The following ALMS1 variants were observed in gnomAD, a reference collection of about 807,000 sequenced individuals.
ALMS1 encodes the protein ALMS1 centrosome and basal body associated protein.
A neutral mutation model predicts 352.2 loss-of-function variants in ALMS1; 271 were observed. That is an observed-to-expected ratio of 0.77 (90% CI 0.70 to 0.85). The LOEUF (loss-of-function observed/expected upper bound fraction) is 0.85. Ranked by LOEUF, ALMS1 falls within the 40% of genes least tolerant of loss-of-function variation. The pLI, the probability that ALMS1 is intolerant of heterozygous loss-of-function variation, is 0.00. For missense variants in ALMS1, 5,445 were observed against 4,870.7 expected (o/e 1.12, Z -3.51); for synonymous variants, 1,865 against 1,761.2 (o/e 1.06, Z -1.48).
intron 9 of ALMS1, among the ~76,000 whole-genome samples, chr2:73,474,337 A>G (rs188900004): frequency 6.6e-6 from 1 of 151,080 alleles, no homozygotes; most frequent in Non-Finnish European, 1.5e-5. Flanking sequence ...TTATTTGTAG[A>G]AAGTAGATTT....
chr2:73,572,271 G>C lies in ALMS1; in HGVS notation c.10394G>C (p.Cys3465Ser). ...TTTTTCTCCTTTTCAGAGTCCGAAT[G>C]TCATTCAGAATTTGAAAATACTACC... ...SLQINIEESE[C>S]HSEFENTTRS... Residue 3465 changes from cysteine to serine, a missense_variant, in exon 16 of 23, where the codon TGT becomes TCT. Coordinates refer to ENST00000613296, the MANE Select transcript of ALMS1 (RefSeq NM_001378454.1). 1 of 1,607,352 alleles carries C rather than the reference G, an allele frequency of 6.2e-7. No homozygotes were observed. Among genetic ancestry groups the C allele is most frequent in the East Asian group, 2.2e-5 (1 of 44,842 alleles).
At chr2:73,530,962 C>G (rs1034002789) in intron 11 of ALMS1, among the ~76,000 whole-genome samples, 1 of 152,110 alleles carries the variant, frequency 6.6e-6, no homozygotes, top group Non-Finnish European at 1.5e-5. Context: ...GGGCCCTAGG[C>G]GGGGCCCACA....
intron 16 of ALMS1, among the ~76,000 whole-genome samples, chr2:73,586,790 T>C (rs1307512554): frequency 6.6e-6 from 1 of 152,202 alleles, no homozygotes; most frequent in Non-Finnish European, 1.5e-5. Context: ...CAAAGAATGA[T>C]GATGGTATTT....
intron 9 of ALMS1, among the ~76,000 whole-genome samples, chr2:73,479,323 A>G (rs1672647468): frequency 6.6e-6 from 1 of 152,168 alleles, no homozygotes; most frequent in Admixed American, 6.5e-5. Flanking sequence ...GAACATTTAC[A>G]TCACTACAAA....
chr2:73,468,862 A>T (rs1165285198), intron 9 of ALMS1, among the ~76,000 whole-genome samples: 1 of 151,950 alleles, frequency 6.6e-6, no homozygotes, highest in Non-Finnish European at 1.5e-5. Context: ...TCAAGGTACA[A>T]ATTTTATGTT....
intron 9 of ALMS1, among the ~76,000 whole-genome samples, chr2:73,487,421 G>A (rs764456369): frequency 6.6e-6 from 1 of 152,160 alleles, no homozygotes. Context: ...TCTGCTGTGG[G>A]CACCCACATC....
chr2:73,457,018 T>C (rs1672080230), intron 9 of ALMS1: 1 of 152,214 alleles, frequency 6.6e-6, no homozygotes, highest in African/African-American at 2.4e-5. Context: ...ACTTCTGATC[T>C]GACCAGCATG....
At chr2:73,415,208 G>T (rs377180175) in intron 2 of ALMS1, among the ~76,000 whole-genome samples, 2 of 151,922 alleles carry the variant, frequency 1.3e-5, no homozygotes, top group Admixed American at 6.6e-5. Flanking sequence ...GATTTAAAAG[G>T]TATAACACAA....
In ALMS1 at chr2:73,453,242, G is replaced by A; in HGVS notation, c.6715G>A (p.Ala2239Thr). The A allele has an allele frequency of 6.2e-7, 1 of 1,613,910 alleles. No individual in the cohort carries two copies. Among genetic ancestry groups the A allele is most frequent in the East Asian group, 2.2e-5 (1 of 44,864 alleles). Residue 2239 changes from alanine (A) to threonine (T), a missense_variant, in exon 8 of 23, where the codon GCA becomes ACA. Physicochemically the swap from Ala to Thr is moderately conservative, Grantham distance 58. Transcript: ENST00000613296. ...DRVVINKPES[A>T]GFRDVGSEEI... ...AGTTGTAATAAATAAACCAGAATCT[G>A]CAGGTTTTAGAGATGTTGGCTCTGA...
intron 4 of ALMS1, 99 bp from the exon 5 acceptor site, chr2:73,424,331 A>C: frequency 1.3e-6 from 1 of 790,054 alleles, no homozygotes; most frequent in South Asian, 2.8e-5. Context: ...CTTTTCAAAT[A>C]AACTTGATTT....
chr2:73,403,342 T>G (rs1024375319), intron 1 of ALMS1, among the ~76,000 whole-genome samples: 8 of 152,216 alleles, frequency 5.3e-5, no homozygotes, highest in Non-Finnish European at 2.9e-5. Context: ...GCGAATCATA[T>G]ATGCTTGGGT....
In ALMS1 at chr2:73,424,458, G is replaced by C. The variant is rs747443620; in HGVS notation, c.793G>C (p.Glu265Gln). 6.3e-7 allele frequency: 1 copy of C among 1,598,340 alleles called. No homozygotes were observed. Among genetic ancestry groups the C allele is most frequent in the East Asian group, 2.2e-5 (1 of 44,738 alleles). ...AATTCCTGATAAGTCTGAAGATACT[G>C]AATGGTCTTCTCGACCATCGGAAGT... ...RGIPDKSEDTEWSSRPSEVSE... is the reference protein window; with the variant it reads ...RGIPDKSEDTQWSSRPSEVSE... Residue 265 changes from glutamate to glutamine, a missense_variant, in exon 5 of 23, where the codon GAA becomes CAA. Transcript: ENST00000613296.
chr2:73,592,463 A>G (rs911244443), intron 16 of ALMS1, among the ~76,000 whole-genome samples: 1 of 152,244 alleles, frequency 6.6e-6, no homozygotes, highest in African/African-American at 2.4e-5. Flanking sequence ...ACAAGAAAAG[A>G]CAGTCTTTTG....
In ALMS1 at chr2:73,602,311, A is replaced by G. The variant is rs1398267811; in HGVS notation, c.12241A>G (p.Asn4081Asp). ...MLQTERDALF[N>D]IDRERQGHQN... ...ACAGACCGAGCGGGATGCACTATTC[A>G]ACATTGACAGGGAACGGCAGGGCCA... Residue 4081 changes from asparagine (N) to aspartate (D), a missense_variant, in exon 20 of 23, where the codon AAC (asparagine) becomes GAC (aspartate). Asn to Asp is a conservative substitution (Grantham distance 23). Coordinates refer to ENST00000613296, the MANE Select transcript of ALMS1 (RefSeq NM_001378454.1). 4.3e-6 allele frequency: 7 copies of G among 1,614,086 alleles called. No homozygotes were observed. The highest frequency in any genetic ancestry group is 1.3e-5 in the African/African-American group (1 of 74,930).
At chr2:73,511,799 G>C (rs951715581) in intron 10 of ALMS1, among the ~76,000 whole-genome samples, 1 of 152,122 alleles carries the variant, frequency 6.6e-6, no homozygotes, top group Non-Finnish European at 1.5e-5. Flanking sequence ...ATAAAACATA[G>C]AGGTGCTGTG....
intron 16 of ALMS1, among the ~76,000 whole-genome samples, chr2:73,580,609 C>T (rs963757830): frequency 3.3e-5 from 5 of 152,128 alleles, no homozygotes; most frequent in African/African-American, 1.2e-4. Flanking sequence ...ATGAATGGGC[C>T]ATACTTTCTT....
rs10199680 is a variant in ALMS1, at chr2:73,534,815, C to T, written c.9782-9C>T. The stretch of plus-strand genomic sequence containing the variant: ...TTCATATTAATTGTTCTGATTTTTA[C>T]CTCCTTAGGCCAGCCTTTATTATTG... On this transcript the variant is annotated splice_polypyrimidine_tract_variant and intron_variant, in intron 11 of 22. Coordinates refer to ENST00000613296, the MANE Select transcript of ALMS1 (RefSeq NM_001378454.1). The T allele has an allele frequency of 6.4e-3, 10,296 of 1,612,400 alleles. 556 individuals carry two copies. The African/African-American group carries it at 0.12, about 19-fold the overall frequency.
intron 9 of ALMS1, among the ~76,000 whole-genome samples, chr2:73,466,509 G>C (rs1455339015): frequency 1.7e-5 from 2 of 115,356 alleles, no homozygotes; most frequent in Non-Finnish European, 3.5e-5. Context: ...GGGGAGGGGG[G>C]AGGGATAGCA....
At chr2:73,412,462 T>C (rs1671098032) in intron 2 of ALMS1, among the ~76,000 whole-genome samples, 1 of 152,146 alleles carries the variant, frequency 6.6e-6, no homozygotes, top group Admixed American at 6.6e-5. Context: ...GTGTAGGTTT[T>C]TCGGTAGACA....
Sources: gnomAD v4.1 joint callset for allele counts (sites outside exome capture counted in the v4.1 genomes callset) on GRCh38, gnomAD v4.1.1 for gene constraint, MANE v1.5 for transcripts, NCBI Gene and HGNC (gene_info 2026-07-23, HGNC 2026-07-21) for gene names.